Variants in ITFG1 observed in about 807,000 individuals in gnomAD.
ITFG1 encodes integrin alpha FG-GAP repeat containing 1.
Under a neutral mutation model 81.8 loss-of-function variants are expected in ITFG1, and 34 were observed. That is an observed-to-expected ratio of 0.42 (90% CI 0.32 to 0.55). The LOEUF (loss-of-function observed/expected upper bound fraction) is 0.55, where lower values mean the gene tolerates loss of function less well. ITFG1 is among the 20% of genes least tolerant of loss of function. The probability of loss-of-function intolerance (pLI) is 0.17; values close to 1 mark genes in which losing one functional copy is unlikely to be tolerated. For synonymous variants in ITFG1, 285 were observed against 270.6 expected, an observed-to-expected ratio of 1.05 and a Z score of -0.52; for missense variants, 672 against 755.4, an observed-to-expected ratio of 0.89 and a Z score of 1.29.
intron 12 of ITFG1, among the ~76,000 whole-genome samples, chr16:47,247,326 G>A (rs2908863): frequency 1 from 152,044 of 152,338 alleles, 75,875 homozygotes; most frequent in East Asian, 1. Flanking sequence ...AATTCTTCAT[G>A]AAAGGCAGAA....
intron 16 of ITFG1, among the ~76,000 whole-genome samples, chr16:47,161,008 T>C (rs994509660): frequency 3.9e-5 from 6 of 152,230 alleles, no homozygotes; most frequent in Non-Finnish European, 8.8e-5. Context: ...ACCATTTCTC[T>C]TTGGTTATTT....
At chr16:47,296,698 A>C (rs1441716531) in intron 10 of ITFG1, among the ~76,000 whole-genome samples, 1 of 152,178 alleles carries the variant, frequency 6.6e-6, no homozygotes, top group African/African-American at 2.4e-5. Flanking sequence ...GGTCTCCCAA[A>C]GTGCTGGGAT....
At chr16:47,400,987 T>A (rs1328862114) in intron 6 of ITFG1, among the ~76,000 whole-genome samples, 6 of 152,180 alleles carry the variant, frequency 3.9e-5, no homozygotes, top group Admixed American at 2.0e-4. Flanking sequence ...GTTGGCCATC[T>A]GGAGATTTAA....
At chr16:47,404,525 C>T (rs186192355) in intron 6 of ITFG1, among the ~76,000 whole-genome samples, 1 of 152,234 alleles carries the variant, frequency 6.6e-6, no homozygotes, top group East Asian at 1.9e-4. Flanking sequence ...GCCCCTTTGC[C>T]ACTCAATTCT....
At chr16:47,314,050 A>T (rs1967312026) in intron 8 of ITFG1, among the ~76,000 whole-genome samples, 1 of 152,148 alleles carries the variant, frequency 6.6e-6, no homozygotes, top group South Asian at 2.1e-4. Flanking sequence ...CTGTGTGGTT[A>T]AGCATTTCTA....
rs983660948 is a variant in ITFG1, at chr16:47,378,479, C to A, written c.656-2539G>T. Among the ~76,000 whole-genome samples, 6 of 152,126 alleles carry A rather than the reference C, an allele frequency of 3.9e-5. No individual in the cohort carries two copies. In the East Asian group the frequency reaches 1.2e-3, roughly 29 times the overall value. On this transcript the variant is annotated intron_variant, in intron 6 of 17. Transcript: ENST00000320640. ...AAACCAATTCAAAAATTTTTTTCCA[C>A]TGGTGTTCTATTAGTCAGAATCTAT...
intron 8 of ITFG1, among the ~76,000 whole-genome samples, chr16:47,341,418 A>T (rs1294501063): frequency 6.9e-6 from 1 of 145,660 alleles, no homozygotes; most frequent in African/African-American, 2.5e-5. Context: ...AAAAAAAAAG[A>T]AAAAAAAAAA....
In ITFG1 at chr16:47,392,444, G is replaced by C. The variant is rs570167103; in HGVS notation, c.656-16504C>G. 1.6e-4 allele frequency among the ~76,000 whole-genome samples: 25 copies of C among 152,276 alleles called. No homozygotes were observed. In the South Asian group the frequency reaches 4.8e-3, roughly 29 times the overall value. On this transcript the variant is annotated intron_variant, in intron 6 of 17. Coordinates refer to ENST00000320640, the MANE Select transcript of ITFG1 (RefSeq NM_030790.5). ...TCTGTGTGGCTGGGACAGGGAAATA[G>C]AGCAGGAGAGGAGGAGATCAGGTCT... is the stretch of plus-strand genomic sequence containing the variant.
chr16:47,328,480 T>TA lies in ITFG1; in HGVS notation c.803-14658dup, dbSNP rs561245448. On this transcript the variant is annotated intron_variant, in intron 8 of 17. Transcript: ENST00000320640. ...AAAACTTAAAGTATAATAATAATAA[T>TA]AAAAAAAATCAAACCATATATAACT... is the stretch of plus-strand genomic sequence containing the variant. Among the ~76,000 whole-genome samples the TA allele has an allele frequency of 6.6e-5, 10 of 151,590 alleles. No homozygotes were observed. The East Asian group carries it at 1.4e-3, about 21-fold the overall frequency.
intron 6 of ITFG1, among the ~76,000 whole-genome samples, chr16:47,392,418 G>T (rs1025247626): frequency 6.6e-6 from 1 of 152,214 alleles, no homozygotes; most frequent in African/African-American, 2.4e-5. Context: ...GGCCATGGAG[G>T]TCTGTGTGGC....
At chr16:47,349,089 C>A (rs570978835) in intron 8 of ITFG1, among the ~76,000 whole-genome samples, 2 of 152,102 alleles carry the variant, frequency 1.3e-5, no homozygotes, top group Non-Finnish European at 2.9e-5. Context: ...ACAACCGGTA[C>A]CAGCCACTGC....
At chr16:47,199,713 C>T (rs1435499821) in intron 14 of ITFG1, among the ~76,000 whole-genome samples, 1 of 152,126 alleles carries the variant, frequency 6.6e-6, no homozygotes, top group Non-Finnish European at 1.5e-5. Flanking sequence ...GATTCAAGCA[C>T]ATTATATTTA....
At chr16:47,275,759 T>C (rs1966391485) in intron 10 of ITFG1, among the ~76,000 whole-genome samples, 1 of 152,166 alleles carries the variant, frequency 6.6e-6, no homozygotes, top group Admixed American at 6.5e-5. Flanking sequence ...CTGCCATTTT[T>C]AGACTGACTT....
chr16:47,405,160 A>T (rs1968712297), intron 6 of ITFG1, among the ~76,000 whole-genome samples: 1 of 152,202 alleles, frequency 6.6e-6, no homozygotes, highest in Admixed American at 6.5e-5. Context: ...AAAACTCCAT[A>T]AAACAAAAAC....
At chr16:47,224,330 A>T (rs2151529241) in intron 13 of ITFG1, among the ~76,000 whole-genome samples, 1 of 152,350 alleles carries the variant, frequency 6.6e-6, no homozygotes, top group East Asian at 1.9e-4. Context: ...AAAAGGAAAA[A>T]TGGAAATGAG....
At chr16:47,189,300 A>T (rs138797017) in intron 14 of ITFG1, among the ~76,000 whole-genome samples, 37 of 152,274 alleles carry the variant, frequency 2.4e-4, no homozygotes, top group African/African-American at 8.2e-4. Flanking sequence ...TGTGCAACTG[A>T]CACCAATTCC....
chr16:47,315,203 TA>T (rs1967334172), intron 8 of ITFG1, among the ~76,000 whole-genome samples: 1 of 151,970 alleles, frequency 6.6e-6, no homozygotes, highest in East Asian at 1.9e-4. Context: ...ATTTGCAACA[TA>T]TAGATTTGGA....
intron 14 of ITFG1, among the ~76,000 whole-genome samples, chr16:47,210,220 T>TCA (rs1965547113): frequency 6.6e-6 from 1 of 152,214 alleles, no homozygotes; most frequent in African/African-American, 2.4e-5. Flanking sequence ...ATGTTGTCAC[T>TCA]TTATTTTTTT....
At chr16:47,372,681 A>G (rs938965231) in intron 7 of ITFG1, among the ~76,000 whole-genome samples, 2 of 151,860 alleles carry the variant, frequency 1.3e-5, no homozygotes, top group African/African-American at 2.4e-5. Context: ...TTAAACTCCC[A>G]AACTCCAATG....
Sources: allele counts gnomAD v4.1 joint callset (sites outside exome capture counted in the v4.1 genomes callset), GRCh38; gene constraint gnomAD v4.1.1; transcripts MANE v1.5; gene names NCBI Gene and HGNC (gene_info 2026-07-23, HGNC 2026-07-21).